GABRP: variants seen among roughly 807,000 people sequenced by gnomAD.
GABRP encodes gamma-aminobutyric acid type A receptor subunit pi, also known as gamma-aminobutyric acid receptor subunit pi.
In GABRP, 52 loss-of-function variants were observed where a neutral mutation model predicts 47.8. That is an observed-to-expected ratio of 1.09 (90% CI 0.87 to 1.37). GABRP has a LOEUF of 1.37. Ranked by LOEUF, GABRP falls within the 40% of genes most tolerant of loss-of-function variation. The probability of loss-of-function intolerance (pLI) is 0.00; values close to 1 mark genes in which losing one functional copy is unlikely to be tolerated. For missense variants in GABRP, 525 were observed against 542.8 expected (o/e 0.97, Z 0.33); for synonymous variants, 221 against 205.8 (o/e 1.07, Z -0.63).
chr5:170,794,325 C>T, intron 4 of GABRP, 27 bp downstream of exon 4: 1 of 1,406,358 alleles, frequency 7.1e-7, no homozygotes, highest in Non-Finnish European at 1.0e-6. Context: ...TGTACTCTAC[C>T]CAAGTAGTCC....
chr5:170,794,509 G>A (rs2127255130), intron 4 of GABRP: 1 of 378,030 alleles, frequency 2.6e-6, no homozygotes, highest in East Asian at 3.9e-5. Flanking sequence ...GACAATGGAA[G>A]ATTCTTGTAG....
In GABRP at chr5:170,802,743, G is replaced by C. The variant is rs552201912; in HGVS notation, c.542-2973G>C. ...GTTTCACATATACCATCCCCAGTGA[G>C]CGGAGGGAGCTTTCTCTGTTCAGCC... On this transcript the variant is annotated intron_variant, in intron 6 of 9. Transcript: ENST00000265294. Among the ~76,000 whole-genome samples, 326 of 147,142 alleles carry C rather than the reference G, an allele frequency of 2.2e-3. 1 individual carries two copies. Among genetic ancestry groups the C allele is most frequent in the African/African-American group, 7.1e-3 (286 of 40,400 alleles).
intron 4 of GABRP, among the ~76,000 whole-genome samples, 169 bp from the exon 5 acceptor site, chr5:170,795,039 G>C (rs1765386832): frequency 6.8e-6 from 1 of 146,362 alleles, no homozygotes; most frequent in African/African-American, 2.5e-5. Context: ...CCAGTCTTGG[G>C]GTAGTGGCAT....
At chr5:170,804,544 G>A (rs1304961351) in intron 6 of GABRP, among the ~76,000 whole-genome samples, 1 of 152,054 alleles carries the variant, frequency 6.6e-6, no homozygotes, top group Admixed American at 6.6e-5. Flanking sequence ...TTTTATTACA[G>A]CCATCTAATG....
chr5:170,790,571 G>A (rs1765237709), intron 3 of GABRP, among the ~76,000 whole-genome samples: 1 of 152,120 alleles, frequency 6.6e-6, no homozygotes, highest in Non-Finnish European at 1.5e-5. Context: ...GGAGAATGAG[G>A]CAGCGGGAGA....
Position 170,789,179 on chromosome 5 carries a change from A to G in GABRP, c.104A>G (p.Lys35Arg). ...QFNVEVGRSD[K>R]LSLPGFENLT... ...AACGTCGAGGTCGGCAGAAGTGACAAGCTTTCCCTGCCTGGCTTTGAGAAC... is the reference window on the plus strand; with the variant it reads ...AACGTCGAGGTCGGCAGAAGTGACAGGCTTTCCCTGCCTGGCTTTGAGAAC... The change falls in exon 3 of 10, where the codon AAG becomes AGG. Residue 35 changes from lysine (K) to arginine (R), a missense_variant. Transcript: ENST00000265294. 2 of 1,614,214 alleles carry G rather than the reference A, an allele frequency of 1.2e-6. No individual in the cohort carries two copies. Among genetic ancestry groups the G allele is most frequent in the Non-Finnish European group, 1.7e-6 (2 of 1,180,038 alleles).
intron 3 of GABRP, 27 bp from the exon 4 acceptor site, chr5:170,794,204 A>C: frequency 6.5e-7 from 1 of 1,549,990 alleles, no homozygotes; most frequent in Non-Finnish European, 8.9e-7. Context: ...TTGTGTTTCC[A>C]TTCTTTCTTG....
chr5:170,794,850 G>T (rs1581594289), intron 4 of GABRP, among the ~76,000 whole-genome samples: 1 of 151,844 alleles, frequency 6.6e-6, no homozygotes, highest in African/African-American at 2.4e-5. Context: ...CAACAATTTG[G>T]TGGGGCCTTA....
chr5:170,804,220 G>T (rs1283730893), intron 6 of GABRP, among the ~76,000 whole-genome samples: 1 of 148,048 alleles, frequency 6.8e-6, no homozygotes, highest in East Asian at 1.9e-4. Context: ...ATTCATGTGA[G>T]ATAGATGAGA....
At chr5:170,786,362 G>A (rs1581585654) in intron 1 of GABRP, among the ~76,000 whole-genome samples, 1 of 152,174 alleles carries the variant, frequency 6.6e-6, no homozygotes, top group East Asian at 1.9e-4. Context: ...ACATAACAGA[G>A]AGCAGAATGA....
At chr5:170,795,913 T>A (rs1765415523) in intron 5 of GABRP, among the ~76,000 whole-genome samples, 1 of 152,222 alleles carries the variant, frequency 6.6e-6, no homozygotes, top group African/African-American at 2.4e-5. Flanking sequence ...ACTCTACTTG[T>A]CTGAGTCATG....
chr5:170,809,775 T>G lies in GABRP; in HGVS notation c.1020+20T>G, dbSNP rs757080223. ...GATAGGGTAAGAGTCTTGAGGGCCCTGTGTATGATCCATCACTGGTGCCGT... is the reference window on the plus strand; with the variant it reads ...GATAGGGTAAGAGTCTTGAGGGCCCGGTGTATGATCCATCACTGGTGCCGT... On this transcript the variant is annotated intron_variant, in intron 9 of 9. Transcript: ENST00000265294. 7.7e-6 allele frequency: 12 copies of G among 1,567,240 alleles called. No homozygotes were observed. In the Admixed American group the frequency reaches 1.4e-4, roughly 19 times the overall value.
intron 6 of GABRP, among the ~76,000 whole-genome samples, chr5:170,797,931 C>A (rs1289857725): frequency 6.6e-6 from 1 of 152,274 alleles, no homozygotes; most frequent in East Asian, 1.9e-4. Context: ...TACTTACACA[C>A]CGTCTGTGGC....
intron 3 of GABRP, 50 bp downstream of exon 3, chr5:170,789,297 G>T (rs756034235): frequency 8.1e-7 from 1 of 1,228,812 alleles, no homozygotes; most frequent in Middle Eastern, 1.9e-4. Context: ...CGAAAACAGA[G>T]ACAATAAGCA....
intron 9 of GABRP, among the ~76,000 whole-genome samples, chr5:170,811,405 CT>C (rs1765880221): frequency 6.6e-6 from 1 of 151,764 alleles, no homozygotes; most frequent in South Asian, 2.1e-4. Context: ...ACTATTTCTG[CT>C]TTGGTGGCAA....
Position 170,812,364 on chromosome 5 carries a change from T to G in GABRP, c.*106T>G. 3.6e-6 allele frequency: 3 copies of G among 832,320 alleles called. No individual in the cohort carries two copies. Among genetic ancestry groups the G allele is most frequent in the Non-Finnish European group, 5.7e-6 (3 of 525,146 alleles). 51.6% of individuals were successfully genotyped at this position (832,320 alleles called of 1,614,324 possible). On this transcript the variant is annotated 3_prime_UTR_variant, in exon 10 of 10. Coordinates refer to ENST00000265294, the MANE Select transcript of GABRP (RefSeq NM_014211.3). ...CACCCACATCCAATGGTGCTACAAG[T>G]GACTGAAATAATATTTGAGTCTTTC...
At chr5:170,801,861 G>A (rs75903008) in intron 6 of GABRP, among the ~76,000 whole-genome samples, 37,670 of 151,420 alleles carry the variant, frequency 0.25, 4,932 homozygotes, top group African/African-American at 0.3. Flanking sequence ...GTAATGGGGG[G>A]GGGGTCAGAG....
intron 3 of GABRP, among the ~76,000 whole-genome samples, chr5:170,790,457 C>T (rs954400672): frequency 2.6e-5 from 4 of 152,172 alleles, no homozygotes; most frequent in Non-Finnish European, 5.9e-5. Flanking sequence ...TAATAAAACC[C>T]TCTGGTCTGA....
At chr5:170,785,924 G>T (rs1236761782) in intron 1 of GABRP, among the ~76,000 whole-genome samples, 1 of 152,168 alleles carries the variant, frequency 6.6e-6, no homozygotes, top group African/African-American at 2.4e-5. Context: ...TGTCCACCTG[G>T]CAAATGCAAC....
Sources: gnomAD v4.1 joint callset for allele counts (sites outside exome capture counted in the v4.1 genomes callset) on GRCh38, gnomAD v4.1.1 for gene constraint, MANE v1.5 for transcripts, NCBI Gene and HGNC (gene_info 2026-07-23, HGNC 2026-07-21) for gene names.